CFAP47: variants seen among roughly 807,000 people sequenced by gnomAD.
The protein encoded by CFAP47 is cilia and flagella associated protein 47.
Under a neutral mutation model 148.1 loss-of-function variants are expected in CFAP47, and 29 were observed. The ratio of observed to expected loss-of-function variants is 0.20; its 90% confidence interval spans 0.15 to 0.27. The LOEUF (loss-of-function observed/expected upper bound fraction) is 0.27, where lower values mean the gene tolerates loss of function less well. Ranked by LOEUF, CFAP47 falls within the 10% of genes least tolerant of loss-of-function variation. The probability of loss-of-function intolerance (pLI) is 1.00; values close to 1 mark genes in which losing one functional copy is unlikely to be tolerated. For missense variants in CFAP47, 1,872 were observed against 1,697.5 expected (o/e 1.10, Z -1.81); for synonymous variants, 664 against 577.3 (o/e 1.15, Z -2.15).
In CFAP47 at chrX:36,279,019, T is replaced by A. The variant is rs149999059; in HGVS notation, c.7445-1468T>A. Among the ~76,000 whole-genome samples the A allele has an allele frequency of 1.3e-4, 14 of 111,780 alleles. No individual in the cohort carries two copies. The East Asian group carries it at 3.7e-3, about 29-fold the overall frequency. ...TGCCTGTCAACACACGAAACACCTG[T>A]ATTTCTCACCTCCCCCCAGAAACAA... On this transcript the variant is annotated intron_variant, in intron 49 of 63. Coordinates refer to ENST00000378653, the MANE Select transcript of CFAP47 (RefSeq NM_001304548.2).
intron 1 of CFAP47, among the ~76,000 whole-genome samples, chrX:35,924,131 GTA>G (rs1356135383): frequency 4.0e-5 from 4 of 99,518 alleles, no homozygotes; most frequent in South Asian, 4.5e-4. Flanking sequence ...GTACATATAT[GTA>G]TATGTGTACA....
chrX:36,087,598 T>A (rs1183681873), intron 30 of CFAP47, among the ~76,000 whole-genome samples: 2 of 112,028 alleles, frequency 1.8e-5, no homozygotes, highest in African/African-American at 6.5e-5. Context: ...AGAAACCACA[T>A]CTCATTCATC....
chrX:36,004,553 A>G (rs748327438), intron 21 of CFAP47, among the ~76,000 whole-genome samples: 8 of 110,684 alleles, frequency 7.2e-5, no homozygotes, highest in Non-Finnish European at 1.1e-4. Context: ...GTATATCCAT[A>G]CTCTATAATA....
intron 49 of CFAP47, among the ~76,000 whole-genome samples, chrX:36,264,720 G>A (rs73458232): frequency 0.041 from 4,604 of 111,336 alleles, 229 homozygotes; most frequent in African/African-American, 0.14. Flanking sequence ...AGTACTAAGA[G>A]GGCACACCTG....
chrX:36,060,872 T>A (rs1459095657), intron 26 of CFAP47, among the ~76,000 whole-genome samples: 1 of 111,832 alleles, frequency 8.9e-6, no homozygotes. Flanking sequence ...CTCCTCCTCA[T>A]TCAAGTTAAA....
Position 36,144,736 on chromosome X carries a change from T to A in CFAP47, c.5536-483T>A. On this transcript the variant is annotated intron_variant, in intron 35 of 63. Coordinates refer to ENST00000378653, the MANE Select transcript of CFAP47 (RefSeq NM_001304548.2). ...TGTTTTTTTGTTTGTTTGTTCTTTT[T>A]TATTTTTGTCGTGATCTCTTTCTCC... 4 of 1,024,010 alleles carry A rather than the reference T, an allele frequency of 3.9e-6. No individual in the cohort carries two copies. In the South Asian group the frequency reaches 7.4e-5, roughly 19 times the overall value. 84.4% of individuals were successfully genotyped at this position (1,024,010 alleles called of 1,213,427 possible).
At chrX:35,973,886 A>T in intron 13 of CFAP47, among the ~76,000 whole-genome samples, 1 of 112,415 alleles carries the variant, frequency 8.9e-6, no homozygotes. Flanking sequence ...TGCATTAGAA[A>T]ATGCTTAAAG....
At position 35,924,219 on chromosome X, in the gene CFAP47, G is replaced by T. The variant is rs777707209; in HGVS notation, c.250-1798G>T. Among the ~76,000 whole-genome samples, 16 of 102,549 alleles carry T rather than the reference G, an allele frequency of 1.6e-4. No homozygotes were observed. In the South Asian group the frequency reaches 6.2e-3, roughly 40 times the overall value. 89.1% of individuals were successfully genotyped at this position (102,549 alleles called of 115,157 possible). ...TATATATGGACATGTATGTGTGCAT[G>T]TATGTGTATATATGGACATGTATGT... On this transcript the variant is annotated intron_variant, in intron 1 of 63. Transcript: ENST00000378653.
chrX:36,105,006 T>C (rs753820260), intron 33 of CFAP47, among the ~76,000 whole-genome samples: 153 of 111,924 alleles, frequency 1.4e-3, no homozygotes, highest in African/African-American at 4.8e-3. Context: ...ATTAAATATA[T>C]AGGTGACACT....
chrX:36,233,770 G>A (rs868923095), intron 46 of CFAP47, among the ~76,000 whole-genome samples: 1 of 110,872 alleles, frequency 9.0e-6, no homozygotes, highest in Non-Finnish European at 1.9e-5. Context: ...TCCTTTCCAT[G>A]TTTAGCGCTT....
At chrX:35,959,526 T>G (rs1188413357) in intron 8 of CFAP47, among the ~76,000 whole-genome samples, 2 of 112,074 alleles carry the variant, frequency 1.8e-5, no homozygotes, top group Non-Finnish European at 3.8e-5. Context: ...ATCTATTTGT[T>G]GGTCGGGCGC....
chrX:35,928,299 C>T (rs6527521), intron 2 of CFAP47, among the ~76,000 whole-genome samples: 13,172 of 110,293 alleles, frequency 0.12, 681 homozygotes, highest in South Asian at 0.24. Flanking sequence ...TTTACGGTAT[C>T]TTTGCCAGTA....
intron 49 of CFAP47, among the ~76,000 whole-genome samples, chrX:36,274,832 T>C (rs1456751857): frequency 1.8e-5 from 2 of 111,888 alleles, no homozygotes; most frequent in East Asian, 5.6e-4. Flanking sequence ...ATTACTTTTT[T>C]CATAACTCCT....
At chrX:36,335,148 ACT>A (rs1221093626) in intron 57 of CFAP47, among the ~76,000 whole-genome samples, 8 of 110,524 alleles carry the variant, frequency 7.2e-5, no homozygotes, top group South Asian at 3.8e-4. Context: ...AAACAAAATA[ACT>A]CTCTCTCTCC....
At chrX:35,944,637 A>G (rs1038017421) in intron 3 of CFAP47, among the ~76,000 whole-genome samples, 5 of 112,106 alleles carry the variant, frequency 4.5e-5, no homozygotes, top group Admixed American at 9.5e-5. Flanking sequence ...AGAACTACAG[A>G]ATCTGGTTAC....
rs755448596 is a variant in CFAP47, at chrX:35,961,328, G to A, written c.1410+5132G>A. Among the ~76,000 whole-genome samples, 3 of 111,439 alleles carry A rather than the reference G, an allele frequency of 2.7e-5. No homozygotes were observed. The East Asian group carries it at 8.4e-4, about 31-fold the overall frequency. The stretch of plus-strand genomic sequence containing the variant: ...TTGATTTTGGCATCAGAATAAAACC[G>A]GTGCCACAGAATGAATTGAGAATAC... On this transcript the variant is annotated intron_variant, in intron 8 of 63. Transcript: ENST00000378653.
intron 57 of CFAP47, among the ~76,000 whole-genome samples, chrX:36,342,662 C>T (rs782123952): frequency 8.9e-6 from 1 of 111,742 alleles, no homozygotes; most frequent in East Asian, 2.8e-4. Flanking sequence ...ACATCAATAA[C>T]ATTAGATAAA....
At chrX:36,036,704 A>C (rs1937342598) in intron 24 of CFAP47, among the ~76,000 whole-genome samples, 1 of 112,018 alleles carries the variant, frequency 8.9e-6, no homozygotes. Context: ...TAAGTTTTAC[A>C]CATGTGGTAA....
intron 49 of CFAP47, among the ~76,000 whole-genome samples, chrX:36,256,912 G>T (rs2146926992): frequency 8.9e-6 from 1 of 112,119 alleles, no homozygotes; most frequent in African/African-American, 3.2e-5. Context: ...GATTCATGCT[G>T]TTTTAGTTTC....
Sources: gnomAD v4.1 joint callset for allele counts (sites outside exome capture counted in the v4.1 genomes callset) on GRCh38, gnomAD v4.1.1 for gene constraint, MANE v1.5 for transcripts, NCBI Gene and HGNC (gene_info 2026-07-23, HGNC 2026-07-21) for gene names.